ANO8: variants seen among roughly 807,000 people sequenced by gnomAD.
ANO8 encodes the protein anoctamin 8, also known as anoctamin-8.
ANO8 carries 67 observed loss-of-function variants against 120.4 expected under a neutral mutation model. The ratio of observed to expected loss-of-function variants is 0.56; its 90% CI spans 0.46 to 0.68. The LOEUF (loss-of-function observed/expected upper bound fraction) is 0.68. Ranked by LOEUF, ANO8 falls within the 30% of genes least tolerant of loss-of-function variation. The pLI is 0.00. For synonymous variants in ANO8, 727 were observed against 759.2 expected, an observed-to-expected ratio of 0.96 and a Z score of 0.70; for missense variants, 1,526 against 1,737.6, an observed-to-expected ratio of 0.88 and a Z score of 2.16.
chr19:17,331,433 TG>T, intron 5 of ANO8, 22 bp from the exon 6 acceptor site: 1 of 1,605,980 alleles, frequency 6.2e-7, no homozygotes, highest in African/African-American at 1.3e-5. Flanking sequence ...GGAGCACAGG[TG>T]ATCCCCGCCC....
At chr19:17,328,135 C>CCCTGCGAGGCCCCGCCT in intron 13 of ANO8, 27 bp downstream of exon 13, 1 of 1,511,626 alleles carries the variant, frequency 6.6e-7, no homozygotes, top group Non-Finnish European at 8.9e-7. Flanking sequence ...AGGCCCCGCC[C>CCCTGCGAGGCCCCGCCT]CCTGCGAGGC....
At chr19:17,329,134 C>T (rs1037834086) in intron 12 of ANO8, 151 bp from the exon 13 acceptor site, 11 of 573,818 alleles carry the variant, frequency 1.9e-5, no homozygotes, top group African/African-American at 1.2e-4. Context: ...GGACGCGCCT[C>T]GACGCGAGGC....
intron 17 of ANO8, 130 bp from the exon 18 acceptor site, chr19:17,324,014 T>C: frequency 7.1e-6 from 7 of 988,614 alleles, no homozygotes; most frequent in Non-Finnish European, 8.5e-6. Flanking sequence ...GATCAGAGAC[T>C]GAGGTGGGGC....
In ANO8 at chr19:17,330,993, T is replaced by C; in HGVS notation, c.832-4A>G. 6.2e-7 allele frequency: 1 copy of C among 1,614,128 alleles called. No homozygotes were observed. Among genetic ancestry groups the C allele is most frequent in the Non-Finnish European group, 8.5e-7 (1 of 1,180,002 alleles). On this transcript the variant is annotated splice_polypyrimidine_tract_variant and splice_region_variant and intron_variant, in intron 7 of 17. Coordinates refer to ENST00000159087, the MANE Select transcript of ANO8 (RefSeq NM_020959.3). ...CGCAGGAAACATCCCGGCTTGTCTG[T>C]GAGTGGCAGAGAAGAGTTGAGTCAT...
chr19:17,330,886 T>G lies in ANO8; in HGVS notation c.935A>C (p.Lys312Thr), dbSNP rs1373440526. The G allele has an allele frequency of 3.1e-6, 5 of 1,613,984 alleles. No individual in the cohort carries two copies. In the African/African-American group the frequency reaches 4.0e-5, roughly 13 times the overall value. The change falls in exon 8 of 18, where the codon AAG (lysine) becomes ACG (threonine). Residue 312 changes from lysine to threonine, a missense_variant. Physicochemically the swap from Lys to Thr is moderately conservative, Grantham distance 78 (BLOSUM62 -1). Around this residue, in one of 8 missense-constraint regions of ANO8, gnomAD observed 322 missense variants for 431.8 expected, o/e 0.75. Transcript: ENST00000159087. Reference sequence around the variant, plus strand: ...CCCAGGTGAGTCCAGCGTCCCCCACTTATATGCCAGCTCAGCCCCTCTCCG... The same window carrying G: ...CCCAGGTGAGTCCAGCGTCCCCCACGTATATGCCAGCTCAGCCCCTCTCCG... ...WKRRGAELAY[K>T]WGTLDSPGEA... is the part of the protein sequence containing the mutation.
chr19:17,327,116 T>C (rs1789987116), intron 16 of ANO8, 119 bp downstream of exon 16: 3 of 909,076 alleles, frequency 3.3e-6, no homozygotes, highest in Middle Eastern at 3.5e-4. Context: ...CACTAATTAT[T>C]ATACCCAGCT....
chr19:17,326,404 G>A lies in ANO8; in HGVS notation c.2661+831C>T, dbSNP rs1427233187. On this transcript the variant is annotated intron_variant, in intron 16 of 17. Transcript: ENST00000159087. ...GTAATCCCAGCTATTTGGGAGGCATGAGAATTGCTTAAACCTGGGAGGTGG... is the reference window on the plus strand; with the variant it reads ...GTAATCCCAGCTATTTGGGAGGCATAAGAATTGCTTAAACCTGGGAGGTGG... Among the ~76,000 whole-genome samples, 3 of 152,144 alleles carry A rather than the reference G, an allele frequency of 2.0e-5. No individual in the cohort carries two copies. In the East Asian group the frequency reaches 5.8e-4, roughly 29 times the overall value.
chr19:17,330,103 G>A (rs751071999), intron 10 of ANO8, 22 bp downstream of exon 10: 3 of 1,613,962 alleles, frequency 1.9e-6, no homozygotes, highest in Non-Finnish European at 1.7e-6. Context: ...CTTCCTCCCA[G>A]AGACCCCCTG....
At chr19:17,328,141 G>A (rs2074286160) in intron 13 of ANO8, 21 bp downstream of exon 13, 7 of 1,509,232 alleles carry the variant, frequency 4.6e-6, no homozygotes, top group Non-Finnish European at 6.2e-6. Context: ...CGCCCCCTGC[G>A]AGGCCCCGCC....
chr19:17,334,320 G>A (rs1004427794), intron 1 of ANO8, among the ~76,000 whole-genome samples: 5 of 152,208 alleles, frequency 3.3e-5, no homozygotes, highest in Non-Finnish European at 7.3e-5. Context: ...CAGCCCGGGG[G>A]TGGCAGGGCG....
Position 17,330,514 on chromosome 19 carries a change from G to A in ANO8, c.994-10C>T. The A allele has an allele frequency of 6.7e-7, 1 of 1,500,438 alleles. No individual in the cohort carries two copies. The highest frequency in any genetic ancestry group is 8.9e-7 in the Non-Finnish European group (1 of 1,119,702). The allele number at this position is 1,500,438 out of a possible 1,614,324, so 92.9% of individuals were successfully genotyped here. ...TGATACGTCGCACGCCCTGATGGTGGGCAAAGACCGGGCCCAGCATGAGCT... is the reference window on the plus strand; with the variant it reads ...TGATACGTCGCACGCCCTGATGGTGAGCAAAGACCGGGCCCAGCATGAGCT... On this transcript the variant is annotated splice_polypyrimidine_tract_variant and intron_variant, in intron 8 of 17. Transcript: ENST00000159087.
intron 9 of ANO8, 47 bp from the exon 10 acceptor site, chr19:17,330,298 C>T (rs141893909): frequency 1.2e-6 from 2 of 1,613,146 alleles, no homozygotes; most frequent in Non-Finnish European, 1.7e-6. Context: ...CAGGGCTCAG[C>T]CCAAGGTGGA....
chr19:17,329,724 C>CA, intron 12 of ANO8, 33 bp downstream of exon 12: 1 of 1,586,514 alleles, frequency 6.3e-7, no homozygotes, highest in Non-Finnish European at 8.6e-7. Context: ...GCCATGGGGG[C>CA]AGGGGGGACT....
chr19:17,331,367 C>T lies in ANO8; in HGVS notation c.631G>A (p.Val211Ile), dbSNP rs756642309. ...CGGTTCAGAATACGCTGCTCGTGGA[C>T]AGGGAACACCTGCTGGATGATCCCA... ...ARGIIQQVFP[V>I]HEQRILNRLM... Residue 211 changes from valine to isoleucine, a missense_variant, in exon 6 of 18, where the codon GTC becomes ATC. By Grantham distance (29) the Val-to-Ile change is conservative (BLOSUM62 3). Around this residue, in one of 8 missense-constraint regions of ANO8, gnomAD observed 322 missense variants for 431.8 expected, o/e 0.75. Coordinates refer to ENST00000159087, the MANE Select transcript of ANO8 (RefSeq NM_020959.3). 1 of 1,614,066 alleles carries T rather than the reference C, an allele frequency of 6.2e-7. No individual in the cohort carries two copies. The highest frequency in any genetic ancestry group is 1.1e-5 in the South Asian group (1 of 91,086).
chr19:17,329,543 T>C, intron 12 of ANO8: 1 of 593,232 alleles, frequency 1.7e-6, no homozygotes, highest in Non-Finnish European at 3.0e-6. Flanking sequence ...GAGCAGGAGC[T>C]GTGAAGGGAC....
At position 17,328,635 on chromosome 19, in the gene ANO8, C is replaced by T. The variant is rs1423751806; in HGVS notation, c.1753G>A (p.Glu585Lys). The part of the protein sequence containing the change: ...DGPPGGKEED[E>K]DDEEEEDEEE... Reference sequence around the variant, plus strand: ...TCGTCCTCCTCCTCCTCGTCGTCCTCGTCCTCCTCCTTGCCCCCTGGAGGC... The same window carrying T: ...TCGTCCTCCTCCTCCTCGTCGTCCTTGTCCTCCTCCTTGCCCCCTGGAGGC... Residue 585 changes from glutamate (E) to lysine (K), a missense_variant, in exon 13 of 18, where the codon GAG becomes AAG. Transcript: ENST00000159087. 1.3e-6 allele frequency: 2 copies of T among 1,529,044 alleles called. No individual in the cohort carries two copies. Among genetic ancestry groups the T allele is most frequent in the Non-Finnish European group, 1.8e-6 (2 of 1,135,524 alleles). 94.7% of individuals were successfully genotyped at this position (1,529,044 alleles called of 1,614,324 possible). A position where few individuals can be genotyped will look rare whatever the true frequency, so the allele number is the denominator to read the frequency against.
chr19:17,331,226 A>G lies in ANO8; in HGVS notation c.704-11T>C, dbSNP rs752436659. On this transcript the variant is annotated splice_polypyrimidine_tract_variant and intron_variant, in intron 6 of 17. Coordinates refer to ENST00000159087, the MANE Select transcript of ANO8 (RefSeq NM_020959.3). ...AATCACAGATGTCATCTGCCAGGGG[A>G]CAAGTGGGTCTCAGTCACCCCCTGC... 2 of 1,614,176 alleles carry G rather than the reference A, an allele frequency of 1.2e-6. No homozygotes were observed. The highest frequency in any genetic ancestry group is 2.2e-5 in the South Asian group (2 of 91,090).
At chr19:17,327,137 T>G in intron 16 of ANO8, 98 bp downstream of exon 16, 1 of 1,037,694 alleles carries the variant, frequency 9.6e-7, no homozygotes, top group South Asian at 1.6e-5. Context: ...CTGTGCAGTC[T>G]CTGCATTTGC....
intron 17 of ANO8, 32 bp from the exon 18 acceptor site, chr19:17,323,916 A>G (rs1055901822): frequency 3.6e-6 from 4 of 1,108,772 alleles, no homozygotes; most frequent in Non-Finnish European, 2.2e-6. Context: ...TTCCGGGGGG[A>G]TGCCGCCCCC....
Sources: gnomAD v4.1 joint callset for allele counts (sites outside exome capture counted in the v4.1 genomes callset) on GRCh38, gnomAD v4.1.1 for gene constraint, gnomAD v4.1.1 regional missense constraint, MANE v1.5 for transcripts, NCBI Gene and HGNC (gene_info 2026-07-23, HGNC 2026-07-21) for gene names.